The following USP49 variants were observed in gnomAD, a reference collection of about 807,000 sequenced individuals.
The protein encoded by USP49 is ubiquitin specific peptidase 49.
A neutral mutation model predicts 58.6 loss-of-function variants in USP49; 24 were observed. The ratio of observed to expected loss-of-function variants is 0.41; its 90% CI spans 0.30 to 0.58. The LOEUF is 0.58. Ranked by LOEUF, USP49 falls within the 20% of genes least tolerant of loss-of-function variation. The pLI is 0.30. For missense variants in USP49, 703 were observed against 866.1 expected, an observed-to-expected ratio of 0.81 and a Z score of 2.36; for synonymous variants, 408 against 365.1, an observed-to-expected ratio of 1.12 and a Z score of -1.34.
intron 3 of USP49, among the ~76,000 whole-genome samples, chr6:41,869,927 T>C (rs1325465902): frequency 6.6e-6 from 1 of 152,130 alleles, no homozygotes; most frequent in East Asian, 1.9e-4. Context: ...CCCTAAGATA[T>C]ACAGTAAAAG....
At chr6:41,840,743 C>A (rs917706500) in intron 3 of USP49, among the ~76,000 whole-genome samples, 9 of 151,964 alleles carry the variant, frequency 5.9e-5, no homozygotes, top group Non-Finnish European at 1.3e-4. Flanking sequence ...AAGTCTTAGC[C>A]CAACCTCCTA....
At chr6:41,862,812 C>T (rs985560032) in intron 3 of USP49, among the ~76,000 whole-genome samples, 5 of 152,278 alleles carry the variant, frequency 3.3e-5, no homozygotes, top group African/African-American at 7.2e-5. Flanking sequence ...GTCACTCTGT[C>T]GCCCAGACTG....
chr6:41,845,105 T>C (rs1360360013), intron 3 of USP49, among the ~76,000 whole-genome samples: 7 of 152,172 alleles, frequency 4.6e-5, no homozygotes, highest in Non-Finnish European at 8.8e-5. Flanking sequence ...TTCACCATGT[T>C]GGTCAGGCTG....
In USP49 at chr6:41,803,671, A is replaced by G. The variant is rs146014634; in HGVS notation, c.1561+135T>C. On this transcript the variant is annotated intron_variant, in intron 5 of 7. Transcript: ENST00000682992. The surrounding 1 kb of genome is among the most constrained non-coding windows in gnomAD (Gnocchi z 4.1). ...TTTGTTTTTAGAAAAATGGGAGAAA[A>G]AGATCTTTAAAAGATGCTTTAGAAC... 4.8e-4 allele frequency: 486 copies of G among 1,004,520 alleles called. No individual in the cohort carries two copies. Among genetic ancestry groups the G allele is most frequent in the Middle Eastern group, 4.8e-3 (14 of 2,942 alleles). The allele number at this position is 1,004,520 out of a possible 1,614,324, so 62.2% of individuals were successfully genotyped here.
intron 3 of USP49, among the ~76,000 whole-genome samples, chr6:41,836,367 T>C (rs1476148741): frequency 6.6e-6 from 1 of 152,162 alleles, no homozygotes; most frequent in Non-Finnish European, 1.5e-5. Flanking sequence ...TGAAAGAACG[T>C]ATCTCAAAAT....
At chr6:41,884,819 C>T (rs570751066) in intron 2 of USP49, among the ~76,000 whole-genome samples, 5 of 152,216 alleles carry the variant, frequency 3.3e-5, no homozygotes, top group Admixed American at 6.5e-5. Flanking sequence ...AAATAATTTA[C>T]AGTAGCATAT....
intron 3 of USP49, among the ~76,000 whole-genome samples, chr6:41,846,910 T>C (rs1453919876): frequency 1.3e-5 from 2 of 152,120 alleles, no homozygotes; most frequent in East Asian, 3.9e-4. Context: ...GGTTCCAGAG[T>C]ACAGAAGACA....
chr6:41,846,771 C>CG (rs961080541), intron 3 of USP49, among the ~76,000 whole-genome samples: 5 of 151,918 alleles, frequency 3.3e-5, no homozygotes, highest in Admixed American at 3.3e-4. Flanking sequence ...TGGAGGAAAC[C>CG]CCCCCCATAC....
At chr6:41,800,220 C>T (rs182391649) in intron 5 of USP49, among the ~76,000 whole-genome samples, 339 of 152,284 alleles carry the variant, frequency 2.2e-3, no homozygotes, top group South Asian at 6.2e-3. Context: ...CTTTGGCCTT[C>T]CCACTATCTG....
In USP49 at chr6:41,806,265, A is replaced by T; in HGVS notation, c.719T>A (p.Leu240His). The change falls in exon 4 of 8, where the codon CTC becomes CAC. Residue 240 changes from leucine to histidine, a missense_variant. By Grantham distance (99) the Leu-to-His change is moderately conservative (BLOSUM62 -3). Coordinates refer to ENST00000682992, the MANE Select transcript of USP49 (RefSeq NM_001286554.2). This position sits in a 1 kb window ranked among gnomAD's most constrained non-coding sequence, Gnocchi z 5.9. ...CATGGCCGGCTGGCGACGCAGCTTG[A>T]GTGTGGCGGCGGGCACTCTGCGTGA... ...PTSRRVPAATLKLRRQPAMAP... is the reference protein window; with the variant it reads ...PTSRRVPAATHKLRRQPAMAP... The T allele has an allele frequency of 6.2e-7, 1 of 1,605,886 alleles. No individual in the cohort carries two copies. Among genetic ancestry groups the T allele is most frequent in the Non-Finnish European group, 8.5e-7 (1 of 1,179,586 alleles).
intron 3 of USP49, among the ~76,000 whole-genome samples, chr6:41,837,087 T>A (rs1055927190): frequency 2.6e-5 from 4 of 152,154 alleles, no homozygotes; most frequent in Admixed American, 2.6e-4. Context: ...ATGACATTCT[T>A]CTCAGAATTA....
At chr6:41,851,125 C>T (rs1447253600) in intron 3 of USP49, among the ~76,000 whole-genome samples, 3 of 152,134 alleles carry the variant, frequency 2.0e-5, no homozygotes, top group Admixed American at 1.3e-4. Flanking sequence ...GGAGGGAACA[C>T]TTCCAAGCTC....
chr6:41,888,493 G>T (rs917612375), intron 2 of USP49, among the ~76,000 whole-genome samples: 1 of 151,686 alleles, frequency 6.6e-6, no homozygotes, highest in Admixed American at 6.6e-5. Context: ...CACTCTTGTT[G>T]CCCAGGCTGG....
chr6:41,849,218 A>G (rs1180336621), intron 3 of USP49, among the ~76,000 whole-genome samples: 3 of 152,230 alleles, frequency 2.0e-5, no homozygotes, highest in African/African-American at 7.2e-5. Flanking sequence ...AAAAGATAAA[A>G]AATGACATGA....
chr6:41,801,997 T>A (rs768355356), intron 5 of USP49, among the ~76,000 whole-genome samples: 5 of 151,986 alleles, frequency 3.3e-5, no homozygotes, highest in Non-Finnish European at 5.9e-5. Flanking sequence ...CTTTTGTTCC[T>A]TACAAGTAAA....
chr6:41,841,732 G>C (rs1582014941), intron 3 of USP49, among the ~76,000 whole-genome samples: 2 of 152,120 alleles, frequency 1.3e-5, no homozygotes, highest in Admixed American at 6.6e-5. Context: ...TTAGTCACAT[G>C]ATACAACAAC....
At chr6:41,850,335 C>T (rs1021429194) in intron 3 of USP49, among the ~76,000 whole-genome samples, 46 of 151,566 alleles carry the variant, frequency 3.0e-4, no homozygotes, top group African/African-American at 8.9e-4. Context: ...CCCAACTACT[C>T]GGGAGGCTGA....
intron 3 of USP49, among the ~76,000 whole-genome samples, chr6:41,825,729 T>C (rs149906040): frequency 1.5e-3 from 221 of 152,298 alleles, no homozygotes; most frequent in African/African-American, 5.1e-3. Flanking sequence ...GTGAGCCTGA[T>C]TTCTCAGTAA....
intron 3 of USP49, among the ~76,000 whole-genome samples, chr6:41,865,941 T>TA (rs1554147683): frequency 9.4e-6 from 1 of 106,362 alleles, no homozygotes; most frequent in East Asian, 2.9e-4. Context: ...TTTTTTTTTT[T>TA]AGACAGAGTC....
Sources: allele counts gnomAD v4.1 joint callset (sites outside exome capture counted in the v4.1 genomes callset), GRCh38; gene constraint gnomAD v4.1.1; non-coding constraint Gnocchi (gnomAD v3.1); transcripts MANE v1.5; gene names NCBI Gene and HGNC (gene_info 2026-07-23, HGNC 2026-07-21).